The following POLR1C variants were observed in gnomAD, a reference collection of about 807,000 sequenced individuals.
POLR1C encodes the protein DNA-directed RNA polymerases I and III subunit RPAC1.
POLR1C carries 42 observed loss-of-function variants against 38.3 expected under a neutral mutation model. The ratio of observed to expected loss-of-function variants is 1.10; its 90% CI spans 0.86 to 1.42. POLR1C has a LOEUF of 1.42. POLR1C is among the 40% of genes most tolerant of loss of function. The pLI is 0.00. For missense variants in POLR1C, 507 were observed against 450.5 expected (o/e 1.13, Z -1.14); for synonymous variants, 163 against 163.9 (o/e 0.99, Z 0.04).
intron 10 of POLR1C, chr6:43,558,419 C>T (rs1561881427): frequency 1.5e-6 from 2 of 1,303,942 alleles, no homozygotes; most frequent in Admixed American, 5.7e-5. Context: ...TCGTAAAAAC[C>T]CCAAACACCA....
At chr6:43,524,782 C>G (rs1271258687), downstream of POLR1C, 4 of 1,607,186 alleles carry the variant, frequency 2.5e-6, no homozygotes, top group South Asian at 4.4e-5. Flanking sequence ...TAGGAGCAGA[C>G]TGAGTGATGA....
intron 8 of POLR1C, chr6:43,527,725 T>G (rs1311382115): frequency 1.9e-6 from 3 of 1,613,972 alleles, no homozygotes; most frequent in Non-Finnish European, 2.5e-6. Flanking sequence ...CAGCCTCATC[T>G]TCTCCACTGC....
intron 10 of POLR1C, among the ~76,000 whole-genome samples, chr6:43,554,072 T>C (rs1761883383): frequency 6.6e-6 from 1 of 152,156 alleles, no homozygotes; most frequent in Non-Finnish European, 1.5e-5. Context: ...AGCACTCAAA[T>C]AGCAAGGCAC....
Position 43,520,194 on chromosome 6 carries a change from T to G in POLR1C, c.502+9T>G. On this transcript the variant is annotated intron_variant, in intron 5 of 8. Coordinates refer to ENST00000642195, the MANE Select transcript of POLR1C (RefSeq NM_203290.4). ...GTACGTGAACCACAAAGGTGAGTAG[T>G]GGTAGGGTGAGGAAGAGGCCCCACC... is the stretch of plus-strand genomic sequence containing the variant. 1 of 1,614,138 alleles carries G rather than the reference T, an allele frequency of 6.2e-7. No homozygotes were observed. The highest frequency in any genetic ancestry group is 8.5e-7 in the Non-Finnish European group (1 of 1,180,018).
intron 9 of POLR1C, among the ~76,000 whole-genome samples, chr6:43,536,052 G>A (rs1306296937): frequency 1.3e-5 from 2 of 151,326 alleles, no homozygotes; most frequent in African/African-American, 4.9e-5. Flanking sequence ...GAATCCAGGT[G>A]AGCCAAGATC....
chr6:43,522,504 G>C (rs1793250853), downstream of POLR1C: 1 of 222,126 alleles, frequency 4.5e-6, no homozygotes, highest in Admixed American at 5.5e-5. Flanking sequence ...AACCAGACAG[G>C]AATAGGCAGC....
chr6:43,543,668 A>T (rs1350666859), intron 9 of POLR1C, among the ~76,000 whole-genome samples: 1 of 151,404 alleles, frequency 6.6e-6, no homozygotes, highest in African/African-American at 2.4e-5. Context: ...GATAAAATTT[A>T]TTTAATTTTT....
chr6:43,519,085 A>G (rs1793002078), intron 2 of POLR1C: 3 of 548,116 alleles, frequency 5.5e-6, no homozygotes, highest in Non-Finnish European at 9.8e-6. Context: ...CTTCAGTAGA[A>G]TAGCTTCTGT....
At chr6:43,528,925 C>T (rs550172239) in intron 8 of POLR1C, 4 of 1,609,900 alleles carry the variant, frequency 2.5e-6, no homozygotes, top group South Asian at 2.2e-5. Context: ...TACAAAGACA[C>T]GTGCTGCAAC....
chr6:43,531,713 C>T (rs1370737920), downstream of POLR1C: 16 of 723,032 alleles, frequency 2.2e-5, no homozygotes, highest in East Asian at 5.4e-5. Context: ...CAGTTGGCTA[C>T]GTGATTTGCT....
downstream of POLR1C, chr6:43,531,658 G>C (rs1793987753): frequency 8.3e-7 from 1 of 1,199,934 alleles, no homozygotes; most frequent in Non-Finnish European, 1.2e-6. Context: ...GGAAGCTGTT[G>C]TTCAGGGGTG....
chr6:43,525,025 C>T, downstream of POLR1C: 1 of 1,594,030 alleles, frequency 6.3e-7, no homozygotes, highest in Non-Finnish European at 8.5e-7. Flanking sequence ...GCCTCAGCAC[C>T]CCAGTTCTTC....
intron 9 of POLR1C, among the ~76,000 whole-genome samples, chr6:43,545,472 C>T (rs760950678): frequency 8.6e-5 from 13 of 151,864 alleles, no homozygotes; most frequent in Non-Finnish European, 1.8e-4. Context: ...TTTGGGAGGC[C>T]GAGGTGGACT....
At chr6:43,549,706 G>T in intron 9 of POLR1C, 1 of 1,253,608 alleles carries the variant, frequency 8.0e-7, no homozygotes, top group Non-Finnish European at 1.1e-6. Flanking sequence ...AGAGTATAAT[G>T]GAGTAACATT....
At chr6:43,538,423 C>A (rs937984982) in intron 9 of POLR1C, among the ~76,000 whole-genome samples, 1 of 151,942 alleles carries the variant, frequency 6.6e-6, no homozygotes, top group East Asian at 1.9e-4. Context: ...CTGCTGAGAT[C>A]ACAAGCGTGA....
downstream of POLR1C, chr6:43,530,885 C>T: frequency 6.5e-7 from 1 of 1,538,574 alleles, no homozygotes; most frequent in Middle Eastern, 1.7e-4. Context: ...ACTGCCAGCC[C>T]TGTCCCATGA....
At chr6:43,524,353 A>C (rs1370247583), downstream of POLR1C, 16 of 118,910 alleles carry the variant, frequency 1.3e-4, no homozygotes, top group Non-Finnish European at 2.1e-4. Flanking sequence ...ACCCCATCTC[A>C]AAAAAAAAAA....
intron 4 of POLR1C, 25 bp downstream of exon 4, chr6:43,519,863 A>T: frequency 6.2e-7 from 1 of 1,609,228 alleles, no homozygotes; most frequent in Non-Finnish European, 8.5e-7. Context: ...TTTTGGGAGA[A>T]GTGGACTATC....
downstream of POLR1C, chr6:43,523,952 T>TG: frequency 6.2e-7 from 1 of 1,613,974 alleles, no homozygotes; most frequent in East Asian, 2.2e-5. Flanking sequence ...TTTTGAAAAG[T>TG]GAGGGAAGAT....
Sources: gnomAD v4.1 joint callset for allele counts (sites outside exome capture counted in the v4.1 genomes callset) on GRCh38, gnomAD v4.1.1 for gene constraint, MANE v1.5 for transcripts, NCBI Gene and HGNC (gene_info 2026-07-23, HGNC 2026-07-21) for gene names.